Variants in ZNF234 observed in about 807,000 individuals in gnomAD.
The protein encoded by ZNF234 is zinc finger protein 234.
ZNF234 carries 4 observed loss-of-function variants against 10.3 expected under a neutral mutation model. That is an observed-to-expected ratio of 0.39 (90% CI 0.19 to 0.89). The LOEUF (loss-of-function observed/expected upper bound fraction) is 0.89. ZNF234 is among the 40% of genes least tolerant of loss of function. ZNF234 has a pLI of 0.38. For synonymous variants in ZNF234, 258 were observed against 280.1 expected (o/e 0.92, Z 0.79); for missense variants, 711 against 836.1 (o/e 0.85, Z 1.85).
chr19:44,143,254 A>G (rs1968509104), intron 2 of ZNF234, among the ~76,000 whole-genome samples: 1 of 150,618 alleles, frequency 6.6e-6, no homozygotes, highest in African/African-American at 2.5e-5. Context: ...GCACTTTGGG[A>G]GGCCAAGGCC....
In ZNF234 at chr19:44,159,583, G is replaced by A. The variant is rs754098766; in HGVS notation, c.*1464G>A. On this transcript the variant is annotated 3_prime_UTR_variant, in exon 6 of 6. Coordinates refer to ENST00000426739, the MANE Select transcript of ZNF234 (RefSeq NM_006630.3). Reference sequence around the variant, plus strand: ...ACAATTGAGTTTTTAATCCATTAATGTTAAGGCAGGGGTTTACTCTAACAC... The same window carrying A: ...ACAATTGAGTTTTTAATCCATTAATATTAAGGCAGGGGTTTACTCTAACAC... 2 of 460,560 alleles carry A rather than the reference G, an allele frequency of 4.3e-6. No homozygotes were observed. Among genetic ancestry groups the A allele is most frequent in the East Asian group, 5.9e-5 (1 of 16,906 alleles). 28.5% of individuals were successfully genotyped at this position (460,560 alleles called of 1,614,324 possible).
rs1968983213 is a variant in ZNF234, at chr19:44,159,300, C to G, written c.*1181C>G. The G allele has an allele frequency of 5.8e-6, 1 of 171,960 alleles. No individual in the cohort carries two copies. The highest frequency in any genetic ancestry group is 1.6e-4 in the East Asian group (1 of 6,404). 10.7% of individuals were successfully genotyped at this position (171,960 alleles called of 1,614,324 possible). On this transcript the variant is annotated 3_prime_UTR_variant, in exon 6 of 6. Transcript: ENST00000426739. ...TCCATCCATCTGCCCATCTCTCCCT[C>G]TGAGTAGCTGGGACCACGGGCACGT...
chr19:44,157,693 A>G lies in ZNF234; in HGVS notation c.1677A>G (p.Gln559=). Residue 559 remains glutamine, a synonymous_variant, in exon 6 of 6, where the codon CAA becomes CAG. Transcript: ENST00000426739. ...GGAGTGCACACCTTCAAGCCCATCAAAAAGTCCACACTGGAGAAAAGCCAT... is the reference window on the plus strand; with the variant it reads ...GGAGTGCACACCTTCAAGCCCATCAGAAAGTCCACACTGGAGAAAAGCCAT... ...FSRSAHLQAH[Q]KVHTGEKPYK... 3 of 1,613,482 alleles carry G rather than the reference A, an allele frequency of 1.9e-6. No individual in the cohort carries two copies. Among genetic ancestry groups the G allele is most frequent in the Middle Eastern group, 1.7e-4 (1 of 6,060 alleles).
rs1390723548 is a variant in ZNF234, at chr19:44,156,582, C to T, written c.566C>T (p.Ser189Leu). The change falls in exon 6 of 6, where the codon TCA (serine) becomes TTA (leucine). Residue 189 changes from serine (S) to leucine (L), a missense_variant. Coordinates refer to ENST00000426739, the MANE Select transcript of ZNF234 (RefSeq NM_006630.3). ...DECGKSFCYISALHIHQRVHM... is the reference protein window; with the variant it reads ...DECGKSFCYILALHIHQRVHM... ...TGTGGAAAAAGCTTCTGTTACATCT[C>T]AGCCCTTCATATTCATCAAAGAGTC... The T allele has an allele frequency of 1.1e-5, 18 of 1,614,196 alleles. No homozygotes were observed. The highest frequency in any genetic ancestry group is 1.4e-5 in the Non-Finnish European group (17 of 1,180,022).
rs1968959083 is a variant in ZNF234, at chr19:44,158,187, A to C, written c.*68A>C. ...GTAATTAGATTTCATAGGAGGGAAAAATTTTCTTTATCAACCTCTTTGAAT... is the reference window on the plus strand; with the variant it reads ...GTAATTAGATTTCATAGGAGGGAAACATTTTCTTTATCAACCTCTTTGAAT... On this transcript the variant is annotated 3_prime_UTR_variant, in exon 6 of 6. Transcript: ENST00000426739. 1 of 1,509,158 alleles carries C rather than the reference A, an allele frequency of 6.6e-7. No homozygotes were observed. Among genetic ancestry groups the C allele is most frequent in the Non-Finnish European group, 9.1e-7 (1 of 1,097,852 alleles). The allele number at this position is 1,509,158 out of a possible 1,614,324, so 93.5% of individuals were successfully genotyped here.
rs548203930 is a variant in ZNF234 at position 44,150,312 on chromosome 19, TTTGA to T, written c.143-91_143-88del. On this transcript the variant is annotated intron_variant, in intron 4 of 5. Coordinates refer to ENST00000426739, the MANE Select transcript of ZNF234 (RefSeq NM_006630.3). ...TCTAAAAGTGTTTGAAAACACTACT[TTTGA>T]TTGATTGATCAGTATACAGTAGTAA... The T allele has an allele frequency of 4.1e-4, 307 of 757,716 alleles. 1 individual carries two copies. In the African/African-American group the frequency reaches 4.9e-3, roughly 12 times the overall value. 46.9% of individuals were successfully genotyped at this position (757,716 alleles called of 1,614,324 possible). A position where few individuals can be genotyped will look rare whatever the true frequency, so the allele number is the denominator to read the frequency against.
chr19:44,142,244 AG>A (rs1287333013), intron 1 of ZNF234, 69 bp from the exon 2 acceptor site: 2 of 152,210 alleles, frequency 1.3e-5, no homozygotes, highest in Non-Finnish European at 2.9e-5. Flanking sequence ...CCACGAAGGG[AG>A]GGGAGCATTT....
intron 2 of ZNF234, 50 bp from the exon 3 acceptor site, chr19:44,144,507 T>G: frequency 1.4e-6 from 1 of 724,644 alleles, no homozygotes; most frequent in Non-Finnish European, 2.1e-6. Flanking sequence ...TCTGTGTTGG[T>G]GGGGACATCC....
intron 5 of ZNF234, among the ~76,000 whole-genome samples, chr19:44,152,257 A>AT (rs1968759893): frequency 6.6e-6 from 1 of 152,248 alleles, no homozygotes; most frequent in Admixed American, 6.5e-5. Context: ...GAGTGGAGGA[A>AT]TTTTTTTGTT....
At position 44,158,172 on chromosome 19, in the gene ZNF234, T is replaced by A. The variant is rs748295384; in HGVS notation, c.*53T>A. ...ACAACCTGAATGCTTGTAATTAGAT[T>A]TCATAGGAGGGAAAAATTTTCTTTA... is the stretch of plus-strand genomic sequence containing the variant. On this transcript the variant is annotated 3_prime_UTR_variant, in exon 6 of 6. Transcript: ENST00000426739. 1.8e-5 allele frequency: 29 copies of A among 1,579,892 alleles called. 2 individuals are homozygous for A. The South Asian group carries it at 3.2e-4, about 17-fold the overall frequency.
intron 3 of ZNF234, 51 bp downstream of exon 3, chr19:44,144,698 A>G: frequency 6.7e-7 from 1 of 1,491,858 alleles, no homozygotes; most frequent in Non-Finnish European, 9.0e-7. Flanking sequence ...CACTATTCTC[A>G]TGTTTCCTGA....
intron 5 of ZNF234, among the ~76,000 whole-genome samples, chr19:44,154,862 C>G (rs1280671970): frequency 6.6e-6 from 1 of 151,960 alleles, no homozygotes; most frequent in African/African-American, 2.4e-5. Context: ...GTCTTGAACT[C>G]CTGGGCTCAA....
At chr19:44,143,222 G>C (rs1599690412) in intron 2 of ZNF234, among the ~76,000 whole-genome samples, 2 of 152,324 alleles carry the variant, frequency 1.3e-5, no homozygotes, top group East Asian at 3.9e-4. Context: ...AGGCACTCAG[G>C]GTCACAGCCC....
intron 3 of ZNF234, among the ~76,000 whole-genome samples, chr19:44,147,237 A>G (rs1282564348): frequency 6.6e-6 from 1 of 151,992 alleles, no homozygotes; most frequent in East Asian, 1.9e-4. Flanking sequence ...GCAGTTATTT[A>G]GTTTAATTTA....
intron 5 of ZNF234, among the ~76,000 whole-genome samples, chr19:44,153,175 T>TATATATATATATATAC (rs1459726952): frequency 1.1e-4 from 16 of 143,300 alleles, no homozygotes; most frequent in African/African-American, 4.1e-4. Context: ...CATATATATA[T>TATATATATATATATAC]ATATATATAT....
At chr19:44,154,818 G>C (rs1329871166) in intron 5 of ZNF234, among the ~76,000 whole-genome samples, 2 of 151,676 alleles carry the variant, frequency 1.3e-5, no homozygotes, top group African/African-American at 4.8e-5. Flanking sequence ...AAGTTTTTTT[G>C]TAGGGCCAGA....
intron 5 of ZNF234, among the ~76,000 whole-genome samples, chr19:44,154,340 T>C (rs1316422990): frequency 2.0e-5 from 3 of 152,030 alleles, no homozygotes; most frequent in African/African-American, 7.3e-5. Flanking sequence ...TCTAAATTAC[T>C]GTCAGCTTTT....
chr19:44,144,417 G>A (rs887995404), intron 2 of ZNF234, 140 bp from the exon 3 acceptor site: 5 of 399,594 alleles, frequency 1.3e-5, no homozygotes, highest in African/African-American at 8.2e-5. Flanking sequence ...TTCCATAGGA[G>A]GGCATTTTGG....
intron 4 of ZNF234, chr19:44,149,869 C>T (rs1203437847): frequency 1.3e-5 from 2 of 152,336 alleles, no homozygotes; most frequent in Non-Finnish European, 2.9e-5. Flanking sequence ...CCCACTGTAC[C>T]TATGCCCACA....
Sources: allele counts gnomAD v4.1 joint callset (sites outside exome capture counted in the v4.1 genomes callset), GRCh38; gene constraint gnomAD v4.1.1; transcripts MANE v1.5; gene names NCBI Gene and HGNC (gene_info 2026-07-23, HGNC 2026-07-21).